PPP2CB: variants seen among roughly 807,000 people sequenced by gnomAD.
PPP2CB encodes serine/threonine-protein phosphatase 2A catalytic subunit beta isoform.
In PPP2CB, 18 loss-of-function variants were observed where a neutral mutation model predicts 39.1. That is an observed-to-expected ratio of 0.46 (90% CI 0.32 to 0.68). The LOEUF (loss-of-function observed/expected upper bound fraction) is 0.68, where lower values mean the gene tolerates loss of function less well. Ranked by LOEUF, PPP2CB falls within the 30% of genes least tolerant of loss-of-function variation. The pLI is 0.04. For synonymous variants in PPP2CB, 129 were observed against 133.8 expected (o/e 0.96, Z 0.25); for missense variants, 226 against 396.9 (o/e 0.57, Z 3.66).
At chr8:30,800,715 G>GT (rs1418309640) in intron 1 of PPP2CB, among the ~76,000 whole-genome samples, 1 of 152,178 alleles carries the variant, frequency 6.6e-6, no homozygotes, top group Admixed American at 6.5e-5. Flanking sequence ...TCATAAAAAT[G>GT]TATCTAACCC....
chr8:30,812,463 C>T lies in PPP2CB; in HGVS notation c.-42G>A. The T allele has an allele frequency of 7.2e-7, 1 of 1,397,580 alleles. No homozygotes were observed. Among genetic ancestry groups the T allele is most frequent in the Non-Finnish European group, 9.5e-7 (1 of 1,053,204 alleles). The allele number at this position is 1,397,580 out of a possible 1,614,324, so 86.6% of individuals were successfully genotyped here. A position where few individuals can be genotyped will look rare whatever the true frequency, so the allele number is the denominator to read the frequency against. On this transcript the variant is annotated 5_prime_UTR_variant, in exon 1 of 7. Transcript: ENST00000221138. ...TGCGGATCCCGAGCCCCAGCCCGGC[C>T]GCCGCCCTCCCCCCTCCCCACCCGC... is the stretch of plus-strand genomic sequence containing the variant.
In PPP2CB at chr8:30,793,968, G is replaced by A. The variant is rs1195798709; in HGVS notation, c.687C>T (p.Asn229=). The change falls in exon 5 of 7, where the codon AAC becomes AAT. Residue 229 remains asparagine (N), a synonymous_variant. Coordinates refer to ENST00000221138, the MANE Select transcript of PPP2CB (RefSeq NM_001009552.2). ...AAACCAGTGTGAGACCATTGGCATGGTTAAAGGTTTCAGAAATGTCTTGTC... is the reference window on the plus strand; with the variant it reads ...AAACCAGTGTGAGACCATTGGCATGATTAAAGGTTTCAGAAATGTCTTGTC... ...TFGQDISETF[N]HANGLTLVSR... 1.2e-6 allele frequency: 2 copies of A among 1,614,036 alleles called. No homozygotes were observed. The highest frequency in any genetic ancestry group is 8.5e-7 in the Non-Finnish European group (1 of 1,179,992).
Position 30,794,288 on chromosome 8 carries a change from A to G in PPP2CB, c.487-7T>C, listed in dbSNP as rs1806484269. 2.5e-6 allele frequency: 4 copies of G among 1,594,606 alleles called. No homozygotes were observed. The highest frequency in any genetic ancestry group is 3.4e-6 in the Non-Finnish European group (4 of 1,163,180). ...CACCATGGAGGCAGAATATCTATGT[A>G]TGAATTAACAAAAGAGAATGTATTT... On this transcript the variant is annotated splice_region_variant and splice_polypyrimidine_tract_variant and intron_variant, in intron 3 of 6. Coordinates refer to ENST00000221138, the MANE Select transcript of PPP2CB (RefSeq NM_001009552.2).
intron 1 of PPP2CB, among the ~76,000 whole-genome samples, chr8:30,807,093 GGGTCT>G (rs1806738198): frequency 6.6e-6 from 1 of 152,072 alleles, no homozygotes; most frequent in African/African-American, 2.4e-5. Context: ...CACTAGAATT[GGGTCT>G]TGACCCTCTA....
chr8:30,808,234 G>A (rs1211132760), intron 1 of PPP2CB, among the ~76,000 whole-genome samples: 1 of 152,006 alleles, frequency 6.6e-6, no homozygotes, highest in Admixed American at 6.6e-5. Flanking sequence ...GAGTAGCTGG[G>A]ACTACAGGCA....
At chr8:30,794,474 T>TC (rs1491189817) in intron 3 of PPP2CB, 193 bp from the exon 4 acceptor site, 1 of 137,588 alleles carries the variant, frequency 7.3e-6, no homozygotes, top group Admixed American at 9.5e-5. Flanking sequence ...ATTAAATTTC[T>TC]TTTTTTTTTT....
rs1200600272 is a variant in PPP2CB at position 30,785,964 on chromosome 8, T to C, written c.*271A>G. The C allele has an allele frequency of 3.4e-6, 2 of 584,308 alleles. No homozygotes were observed. Among genetic ancestry groups the C allele is most frequent in the Admixed American group, 2.2e-5 (1 of 46,166 alleles). The allele number at this position is 584,308 out of a possible 1,614,324, so 36.2% of individuals were successfully genotyped here. On this transcript the variant is annotated 3_prime_UTR_variant, in exon 7 of 7. Coordinates refer to ENST00000221138, the MANE Select transcript of PPP2CB (RefSeq NM_001009552.2). ...TGAAGCAGTTAGTTACCTTTTTTGC[T>C]TGAACAGTCCAAAGGAAAATGGTTA...
At chr8:30,786,442 G>A in intron 6 of PPP2CB, 135 bp from the exon 7 acceptor site, 1 of 656,074 alleles carries the variant, frequency 1.5e-6, no homozygotes, top group Non-Finnish European at 2.5e-6. Context: ...GGCTGGAATG[G>A]CCATGGGCAA....
chr8:30,786,003 A>G lies in PPP2CB; in HGVS notation c.*232T>C, dbSNP rs888617449. On this transcript the variant is annotated 3_prime_UTR_variant, in exon 7 of 7. Coordinates refer to ENST00000221138, the MANE Select transcript of PPP2CB (RefSeq NM_001009552.2). ...GGAAAATGGTTACTATAAATACAGCAGGCAAACTGTTAGACTGACCTAGAA... is the reference window on the plus strand; with the variant it reads ...GGAAAATGGTTACTATAAATACAGCGGGCAAACTGTTAGACTGACCTAGAA... 3 of 646,868 alleles carry G rather than the reference A, an allele frequency of 4.6e-6. No individual in the cohort carries two copies. Among genetic ancestry groups the G allele is most frequent in the Non-Finnish European group, 8.5e-6 (3 of 352,122 alleles). 40.1% of individuals were successfully genotyped at this position (646,868 alleles called of 1,614,324 possible). A position where few individuals can be genotyped will look rare whatever the true frequency, so the allele number is the denominator to read the frequency against.
chr8:30,786,508 T>G, intron 6 of PPP2CB: 1 of 384,568 alleles, frequency 2.6e-6, no homozygotes, highest in Non-Finnish European at 4.6e-6. Context: ...TGGTGAAAAT[T>G]TAAGAAGACA....
rs1806550145 is a variant in PPP2CB at position 30,797,725 on chromosome 8, C to T, written c.342G>A (p.Leu114=). The T allele has an allele frequency of 6.2e-7, 1 of 1,613,920 alleles. No individual in the cohort carries two copies. The highest frequency in any genetic ancestry group is 8.5e-7 in the Non-Finnish European group (1 of 1,179,964). ...TTTGTCGGCTTTCGTGATTTCCTCT[C>T]AATATTGTAATGCGTTCTGGATAAC... The part of the protein sequence containing the change: ...KVRYPERITI[L]RGNHESRQIT... The change falls in exon 3 of 7, where the codon TTG becomes TTA. Residue 114 remains leucine (L), a synonymous_variant. Transcript: ENST00000221138.
At chr8:30,808,850 T>C (rs1225000031) in intron 1 of PPP2CB, among the ~76,000 whole-genome samples, 5 of 152,004 alleles carry the variant, frequency 3.3e-5, no homozygotes, top group Admixed American at 6.6e-5. Flanking sequence ...GTGACACTTA[T>C]GATTAAAACT....
At chr8:30,789,894 C>A (rs1362525466) in intron 6 of PPP2CB, among the ~76,000 whole-genome samples, 2 of 152,184 alleles carry the variant, frequency 1.3e-5, no homozygotes, top group Non-Finnish European at 2.9e-5. Context: ...CACGCTCTCT[C>A]TGAAGGCTCT....
At chr8:30,810,267 AT>A (rs1439359039) in intron 1 of PPP2CB, 1 of 152,324 alleles carries the variant, frequency 6.6e-6, no homozygotes, top group Non-Finnish European at 1.5e-5. Context: ...CCTGGCCAGC[AT>A]GGCAAAACCC....
At chr8:30,794,375 A>G in intron 3 of PPP2CB, 94 bp from the exon 4 acceptor site, 1 of 1,042,198 alleles carries the variant, frequency 9.6e-7, no homozygotes, top group Non-Finnish European at 1.4e-6. Flanking sequence ...CAGTCCAAAT[A>G]GTGCCAACAT....
intron 1 of PPP2CB, among the ~76,000 whole-genome samples, chr8:30,811,914 T>A (rs1328104404): frequency 6.6e-6 from 1 of 152,240 alleles, no homozygotes; most frequent in African/African-American, 2.4e-5. Context: ...TTTCAGAAAC[T>A]GGTCTGAAAA....
At position 30,812,487 on chromosome 8, in the gene PPP2CB, GCC is replaced by G; in HGVS notation, c.-68_-67del. ...CCGCCGCCCTCCCCCCTCCCCACCCGCCCCCGGCCCCGGCCCGGGCGCCGCTC... is the reference window on the plus strand; with the variant it reads ...CCGCCGCCCTCCCCCCTCCCCACCCGCCCGGCCCCGGCCCGGGCGCCGCTC... On this transcript the variant is annotated 5_prime_UTR_variant, in exon 1 of 7. Transcript: ENST00000221138. 1.1e-6 allele frequency: 1 copy of G among 900,604 alleles called. No individual in the cohort carries two copies. Among genetic ancestry groups the G allele is most frequent in the Non-Finnish European group, 1.4e-6 (1 of 730,520 alleles). The allele number at this position is 900,604 out of a possible 1,614,324, so 55.8% of individuals were successfully genotyped here. A position where few individuals can be genotyped will look rare whatever the true frequency, so the allele number is the denominator to read the frequency against.
At chr8:30,794,684 C>A (rs1806490771) in intron 3 of PPP2CB, among the ~76,000 whole-genome samples, 1 of 152,124 alleles carries the variant, frequency 6.6e-6, no homozygotes, top group Admixed American at 6.6e-5. Flanking sequence ...CGCAATGCAG[C>A]CATGAACTCC....
chr8:30,790,349 T>C (rs529901580), intron 6 of PPP2CB, among the ~76,000 whole-genome samples: 3 of 152,340 alleles, frequency 2.0e-5, no homozygotes, highest in East Asian at 1.9e-4. Flanking sequence ...GTGCTATTTG[T>C]TGAACAACAT....
Sources: allele counts gnomAD v4.1 joint callset (sites outside exome capture counted in the v4.1 genomes callset), GRCh38; gene constraint gnomAD v4.1.1; transcripts MANE v1.5; gene names NCBI Gene and HGNC (gene_info 2026-07-23, HGNC 2026-07-21).